The following DPP10 variants were observed in gnomAD, a reference collection of about 807,000 sequenced individuals.
DPP10 encodes the protein dipeptidyl peptidase like 10.
Under a neutral mutation model 120.9 loss-of-function variants are expected in DPP10, and 33 were observed. The observed-to-expected ratio is 0.27, with a 90% CI of 0.21 to 0.37. The LOEUF (loss-of-function observed/expected upper bound fraction) is 0.37, where lower values mean the gene tolerates loss of function less well. Among genes scored for constraint, DPP10 ranks in the 10% least tolerant of loss-of-function variants. The probability of loss-of-function intolerance (pLI) is 1.00; values close to 1 mark genes in which losing one functional copy is unlikely to be tolerated. For synonymous variants in DPP10, 337 were observed against 326.1 expected (o/e 1.03, Z -0.36); for missense variants, 816 against 942.8 (o/e 0.87, Z 1.76).
intron 1 of DPP10, among the ~76,000 whole-genome samples, chr2:114,850,103 C>G (rs925978): frequency 0.74 from 110,309 of 149,536 alleles, 44,910 homozygotes; most frequent in East Asian, 0.96. Context: ...CCAGGCTGGA[C>G]TTGAACTTCT....
Position 115,644,355 on chromosome 2 carries a change from T to C in DPP10, c.442-45332T>C, listed in dbSNP as rs2087048508. On this transcript the variant is annotated intron_variant, in intron 5 of 25. Transcript: ENST00000410059. ...AGGCCCCGGTGTGTGATGTTCCCCTTCTTGTGTCCAAGTGTTCTCATTGTT... is the reference window on the plus strand; with the variant it reads ...AGGCCCCGGTGTGTGATGTTCCCCTCCTTGTGTCCAAGTGTTCTCATTGTT... Among the ~76,000 whole-genome samples the C allele has an allele frequency of 2.6e-5, 4 of 152,078 alleles. No homozygotes were observed. In the South Asian group the frequency reaches 6.2e-4, roughly 24 times the overall value.
intron 2 of DPP10, among the ~76,000 whole-genome samples, chr2:115,333,833 C>T (rs2062917871): frequency 1.3e-5 from 2 of 152,048 alleles, no homozygotes; most frequent in Admixed American, 6.6e-5. Flanking sequence ...ATAACCCGAC[C>T]TTTCTCTCTG....
intron 2 of DPP10, among the ~76,000 whole-genome samples, chr2:115,319,368 T>C (rs771104568): frequency 2.0e-5 from 3 of 152,166 alleles, no homozygotes; most frequent in Non-Finnish European, 4.4e-5. Flanking sequence ...TCTTGTGCTA[T>C]CTTTGTCTAG....
chr2:114,972,538 T>A (rs1301447586), intron 1 of DPP10, among the ~76,000 whole-genome samples: 2 of 152,136 alleles, frequency 1.3e-5, no homozygotes, highest in African/African-American at 2.4e-5. Context: ...AGAAACAGGG[T>A]GGATCTCAGG....
At chr2:114,919,901 C>G (rs532483796) in intron 1 of DPP10, among the ~76,000 whole-genome samples, 1 of 152,272 alleles carries the variant, frequency 6.6e-6, no homozygotes, top group African/African-American at 2.4e-5. Flanking sequence ...GGTCACCTCT[C>G]CCTCCACCTG....
At chr2:115,258,781 C>T (rs1468712454) in intron 1 of DPP10, among the ~76,000 whole-genome samples, 1 of 152,034 alleles carries the variant, frequency 6.6e-6, no homozygotes, top group Non-Finnish European at 1.5e-5. Context: ...CCTGTAGTCC[C>T]AGATACTGTG....
Position 115,504,264 on chromosome 2 carries a change from GCTATTGCCAACT to G in DPP10, c.366+4661_366+4672del, listed in dbSNP as rs2076831483. ...CAGATAAGTTAGTATCACTTATTTG[GCTATTGCCAACT>G]TTTTTTTTTTTTTTTTTTACTAGGA... On this transcript the variant is annotated intron_variant, in intron 4 of 25. Transcript: ENST00000410059. Among the ~76,000 whole-genome samples, 3 of 134,502 alleles carry G rather than the reference GCTATTGCCAACT, an allele frequency of 2.2e-5. No individual in the cohort carries two copies. The South Asian group carries it at 7.3e-4, about 33-fold the overall frequency. 88.2% of individuals were successfully genotyped at this position (134,502 alleles called of 152,430 possible). A position where few individuals can be genotyped will look rare whatever the true frequency, so the allele number is the denominator to read the frequency against.
At chr2:115,786,806 A>T (rs1051641738) in intron 17 of DPP10, among the ~76,000 whole-genome samples, 1 of 152,230 alleles carries the variant, frequency 6.6e-6, no homozygotes, top group Non-Finnish European at 1.5e-5. Flanking sequence ...ATTGAGGCTT[A>T]TGGAAAGATG....
At chr2:115,086,879 C>T (rs1341438668) in intron 1 of DPP10, among the ~76,000 whole-genome samples, 2 of 152,114 alleles carry the variant, frequency 1.3e-5, no homozygotes, top group Non-Finnish European at 2.9e-5. Context: ...TGTCATGGGC[C>T]GTGGTCACTC....
At chr2:115,700,914 A>G (rs1161947622) in intron 7 of DPP10, among the ~76,000 whole-genome samples, 3 of 152,090 alleles carry the variant, frequency 2.0e-5, no homozygotes, top group African/African-American at 7.2e-5. Context: ...AATGAAAACT[A>G]AAAAATATGT....
At chr2:115,171,210 A>G (rs1185900461) in intron 1 of DPP10, among the ~76,000 whole-genome samples, 1 of 151,940 alleles carries the variant, frequency 6.6e-6, no homozygotes, top group Admixed American at 6.6e-5. Flanking sequence ...AAAATACAAA[A>G]ATTAGCCAGG....
intron 1 of DPP10, among the ~76,000 whole-genome samples, chr2:115,038,311 C>T (rs1704372914): frequency 6.6e-6 from 1 of 151,596 alleles, no homozygotes; most frequent in South Asian, 2.1e-4. Context: ...CGCTCTGTTG[C>T]CCAGGCTGGA....
At chr2:114,660,223 T>C (rs534970404) in intron 1 of DPP10, among the ~76,000 whole-genome samples, 1 of 152,194 alleles carries the variant, frequency 6.6e-6, no homozygotes, top group Non-Finnish European at 1.5e-5. Flanking sequence ...AATAAACAGA[T>C]GTGTACATTA....
chr2:114,829,574 G>C (rs183525192), intron 1 of DPP10, among the ~76,000 whole-genome samples: 1 of 146,796 alleles, frequency 6.8e-6, no homozygotes. Flanking sequence ...ATGGGTTTTC[G>C]CCATGTTGGC....
intron 1 of DPP10, among the ~76,000 whole-genome samples, chr2:114,993,578 G>GTATATA (rs1384073454): frequency 0.064 from 5,715 of 88,692 alleles, 176 homozygotes; most frequent in Non-Finnish European, 0.076. Flanking sequence ...GTGTGTGTGT[G>GTATATA]TGTATATATA....
chr2:114,734,864 C>T (rs1677267071), intron 1 of DPP10, among the ~76,000 whole-genome samples: 1 of 152,118 alleles, frequency 6.6e-6, no homozygotes, highest in Non-Finnish European at 1.5e-5. Flanking sequence ...AGTTAAATAA[C>T]AGAAATTTAT....
At chr2:114,998,071 T>C (rs1052121859) in intron 1 of DPP10, among the ~76,000 whole-genome samples, 2 of 152,332 alleles carry the variant, frequency 1.3e-5, no homozygotes, top group South Asian at 4.1e-4. Context: ...TTTCTCACTC[T>C]GAATTTATAC....
chr2:114,874,655 A>G (rs1462711828), intron 1 of DPP10, among the ~76,000 whole-genome samples: 1 of 152,060 alleles, frequency 6.6e-6, no homozygotes, highest in Non-Finnish European at 1.5e-5. Context: ...AGTGCACAAT[A>G]AATGTAATGT....
At chr2:114,757,131 AAAG>A (rs1480768489) in intron 1 of DPP10, among the ~76,000 whole-genome samples, 7 of 147,224 alleles carry the variant, frequency 4.8e-5, no homozygotes, top group Admixed American at 4.1e-4. Flanking sequence ...AGAAGGGAAA[AAAG>A]GAAGGGAGAG....
Sources: gnomAD v4.1 joint callset for allele counts (sites outside exome capture counted in the v4.1 genomes callset) on GRCh38, gnomAD v4.1.1 for gene constraint, MANE v1.5 for transcripts, NCBI Gene and HGNC (gene_info 2026-07-23, HGNC 2026-07-21) for gene names.